The following VSTM4 variants were observed in gnomAD, a reference collection of about 807,000 sequenced individuals.
VSTM4 encodes V-set and transmembrane domain-containing protein 4.
VSTM4 carries 20 observed loss-of-function variants against 36.4 expected under a neutral mutation model. The ratio of observed to expected loss-of-function variants is 0.55; its 90% CI spans 0.39 to 0.80. The LOEUF is 0.80. VSTM4 is among the 30% of genes least tolerant of loss of function. VSTM4 has a pLI of 0.00. For missense variants in VSTM4, 392 were observed against 404.5 expected (o/e 0.97, Z 0.26); for synonymous variants, 182 against 173.9 (o/e 1.05, Z -0.37).
intron 1 of VSTM4, among the ~76,000 whole-genome samples, chr10:49,114,587 T>TTTG (rs145077585): frequency 0.11 from 15,234 of 144,830 alleles, 1,075 homozygotes; most frequent in East Asian, 0.3. Context: ...AAGTTCATGT[T>TTTG]TTTTTTTTTT....
chr10:49,109,500 T>C (rs1844854078), intron 1 of VSTM4, among the ~76,000 whole-genome samples: 1 of 152,172 alleles, frequency 6.6e-6, no homozygotes, highest in South Asian at 2.1e-4. Flanking sequence ...TTTTCCTTAA[T>C]TTTCTTTCTC....
chr10:49,082,690 G>T (rs34712064), intron 3 of VSTM4, among the ~76,000 whole-genome samples: 14,652 of 150,372 alleles, frequency 0.097, 941 homozygotes, highest in East Asian at 0.21. Flanking sequence ...AAAAGGAAAA[G>T]AAAAAAAAAC....
At chr10:49,091,183 T>C (rs899876664) in intron 2 of VSTM4, among the ~76,000 whole-genome samples, 1 of 152,210 alleles carries the variant, frequency 6.6e-6, no homozygotes, top group Non-Finnish European at 1.5e-5. Context: ...GAAGCTAAAT[T>C]GTCAGCTGAC....
At chr10:49,035,187 C>T (rs1843408910) in intron 7 of VSTM4, among the ~76,000 whole-genome samples, 1 of 152,188 alleles carries the variant, frequency 6.6e-6, no homozygotes, top group Admixed American at 6.5e-5. Flanking sequence ...AGGCCATCCT[C>T]CAGCCCAGCA....
At chr10:49,042,866 T>C (rs1029906256) in intron 7 of VSTM4, among the ~76,000 whole-genome samples, 2 of 152,186 alleles carry the variant, frequency 1.3e-5, no homozygotes, top group Non-Finnish European at 2.9e-5. Context: ...GTGTTTTATA[T>C]AGGCTATCAG....
In VSTM4 at chr10:49,047,062, G is replaced by C. The variant is rs1368514334; in HGVS notation, c.776-18C>G. 2 of 1,613,744 alleles carry C rather than the reference G, an allele frequency of 1.2e-6. No individual in the cohort carries two copies. The highest frequency in any genetic ancestry group is 1.7e-6 in the Non-Finnish European group (2 of 1,179,768). The stretch of plus-strand genomic sequence containing the variant: ...TATCGGAGCTGTGGAAGTAGGTCAA[G>C]GGTTTAGCTTGCAGTTCCTCCCAGA... On this transcript the variant is annotated intron_variant, in intron 6 of 7. Transcript: ENST00000332853.
At chr10:49,091,819 C>T (rs917025234) in intron 2 of VSTM4, among the ~76,000 whole-genome samples, 1 of 152,234 alleles carries the variant, frequency 6.6e-6, no homozygotes, top group Admixed American at 6.5e-5. Flanking sequence ...CTCCCACTGG[C>T]GCCCCTAATT....
intron 5 of VSTM4, among the ~76,000 whole-genome samples, chr10:49,051,994 T>C (rs1483179951): frequency 6.6e-6 from 1 of 152,220 alleles, no homozygotes; most frequent in Non-Finnish European, 1.5e-5. Context: ...AATAAGCCGA[T>C]GTTTACTTAG....
chr10:49,057,699 G>A (rs576724703), intron 5 of VSTM4, among the ~76,000 whole-genome samples: 1 of 152,168 alleles, frequency 6.6e-6, no homozygotes. Flanking sequence ...AGTAATGACC[G>A]TGGGAGCATG....
intron 2 of VSTM4, among the ~76,000 whole-genome samples, chr10:49,094,647 C>T (rs1844537144): frequency 6.6e-6 from 1 of 152,132 alleles, no homozygotes; most frequent in South Asian, 2.1e-4. Context: ...CACCTTTGTC[C>T]CAAATTCAAA....
At chr10:49,076,501 C>T (rs1170195214) in intron 4 of VSTM4, among the ~76,000 whole-genome samples, 1 of 152,134 alleles carries the variant, frequency 6.6e-6, no homozygotes, top group Non-Finnish European at 1.5e-5. Context: ...ACAGTGTCCC[C>T]AAGCTGTTTT....
chr10:49,092,955 G>A (rs1844503476), intron 2 of VSTM4, among the ~76,000 whole-genome samples: 1 of 152,136 alleles, frequency 6.6e-6, no homozygotes. Context: ...GAAGAGAGCT[G>A]GGGCCACAGA....
intron 5 of VSTM4, among the ~76,000 whole-genome samples, chr10:49,058,552 G>C (rs1244896334): frequency 6.6e-6 from 1 of 152,138 alleles, no homozygotes; most frequent in African/African-American, 2.4e-5. Context: ...AGAGCATTCT[G>C]CCCTGGGAAA....
At chr10:49,095,045 A>C (rs555873498) in intron 2 of VSTM4, among the ~76,000 whole-genome samples, 1 of 152,162 alleles carries the variant, frequency 6.6e-6, no homozygotes. Context: ...TCCAAGACAA[A>C]TTCCAGCAAA....
chr10:49,017,744 C>T lies in VSTM4; in HGVS notation c.*1906G>A, dbSNP rs1590060648. ...TTCCCATTTGGCACCCCCAGAGCCC[C>T]ACAAACCCATAAGGCTCTTTGGGCA... On this transcript the variant is annotated 3_prime_UTR_variant, in exon 8 of 8. Coordinates refer to ENST00000332853, the MANE Select transcript of VSTM4 (RefSeq NM_001031746.5). 1 of 152,200 alleles carries T rather than the reference C, an allele frequency of 6.6e-6. No individual in the cohort carries two copies. Among genetic ancestry groups the T allele is most frequent in the South Asian group, 2.1e-4 (1 of 4,828 alleles). 9.4% of individuals were successfully genotyped at this position (152,200 alleles called of 1,614,324 possible).
Position 49,102,860 on chromosome 10 carries a change from T to C in VSTM4, c.457+4734A>G, listed in dbSNP as rs2132020499. On this transcript the variant is annotated intron_variant, in intron 2 of 7. Coordinates refer to ENST00000332853, the MANE Select transcript of VSTM4 (RefSeq NM_001031746.5). ...ATCATCATCATCCTCAAAAAGTATA[T>C]GATTGTGTTAGTCTGGGATCCCAGA... is the stretch of plus-strand genomic sequence containing the variant. 1.1e-5 allele frequency: 7 copies of C among 612,796 alleles called. No individual in the cohort carries two copies. In the South Asian group the frequency reaches 5.0e-4, roughly 44 times the overall value. The allele number at this position is 612,796 out of a possible 1,614,324, so 38.0% of individuals were successfully genotyped here.
At chr10:49,066,992 T>C (rs769321165) in intron 4 of VSTM4, among the ~76,000 whole-genome samples, 4 of 152,116 alleles carry the variant, frequency 2.6e-5, no homozygotes, top group African/African-American at 4.8e-5. Context: ...GAAGGAACAA[T>C]ACAAAATTTC....
chr10:49,042,843 G>A (rs1843541980), intron 7 of VSTM4, among the ~76,000 whole-genome samples: 1 of 152,190 alleles, frequency 6.6e-6, no homozygotes, highest in African/African-American at 2.4e-5. Flanking sequence ...CACAAAATAT[G>A]TCAGGGTGGG....
At chr10:49,028,382 A>G (rs575865854) in intron 7 of VSTM4, among the ~76,000 whole-genome samples, 2 of 152,298 alleles carry the variant, frequency 1.3e-5, no homozygotes, top group South Asian at 4.1e-4. Context: ...ATGAGGTACT[A>G]TAACAGCAGG....
Sources: gnomAD v4.1 joint callset for allele counts (sites outside exome capture counted in the v4.1 genomes callset) on GRCh38, gnomAD v4.1.1 for gene constraint, MANE v1.5 for transcripts, NCBI Gene and HGNC (gene_info 2026-07-23, HGNC 2026-07-21) for gene names.